Variants in DLG2 observed in about 807,000 individuals in gnomAD.
DLG2 encodes the protein disks large homolog 2.
Under a neutral mutation model 132.5 loss-of-function variants are expected in DLG2, and 45 were observed. The observed-to-expected ratio is 0.34, with a 90% CI of 0.27 to 0.44. DLG2 has a LOEUF of 0.44. Among genes scored for constraint, DLG2 ranks in the 20% least tolerant of loss-of-function variants. The pLI, the probability that DLG2 is intolerant of heterozygous loss-of-function variation, is 1.00. For synonymous variants in DLG2, 424 were observed against 419.6 expected, an observed-to-expected ratio of 1.01 and a Z score of -0.13; for missense variants, 1,045 against 1,196.9, an observed-to-expected ratio of 0.87 and a Z score of 1.87.
At chr11:85,010,111 A>G (rs944387689) in intron 6 of DLG2, among the ~76,000 whole-genome samples, 1 of 152,140 alleles carries the variant, frequency 6.6e-6, no homozygotes, top group African/African-American at 2.4e-5. Context: ...GAGCCAAAAC[A>G]TATAGTACAA....
At chr11:84,564,430 A>G (rs1272326452) in intron 6 of DLG2, among the ~76,000 whole-genome samples, 3 of 152,176 alleles carry the variant, frequency 2.0e-5, no homozygotes, top group South Asian at 2.1e-4. Flanking sequence ...CCCTTGAAAG[A>G]TCCCATCCGA....
chr11:85,083,535 T>A (rs766534402), intron 6 of DLG2, among the ~76,000 whole-genome samples: 1 of 152,196 alleles, frequency 6.6e-6, no homozygotes, highest in Non-Finnish European at 1.5e-5. Flanking sequence ...CTTGGTTTTA[T>A]ATGTTTTAGG....
intron 21 of DLG2, among the ~76,000 whole-genome samples, chr11:83,503,937 T>C (rs576239405): frequency 3.9e-5 from 6 of 152,254 alleles, no homozygotes; most frequent in African/African-American, 1.4e-4. Context: ...AGGTCATAAT[T>C]ACACCTAACA....
chr11:85,476,510 CTT>C (rs893444670), intron 3 of DLG2, among the ~76,000 whole-genome samples: 1 of 152,042 alleles, frequency 6.6e-6, no homozygotes, highest in Non-Finnish European at 1.5e-5. Flanking sequence ...CTTTTTGCCT[CTT>C]TTGTTGTTAC....
intron 6 of DLG2, among the ~76,000 whole-genome samples, chr11:84,605,339 T>A (rs1316717460): frequency 6.6e-6 from 1 of 151,958 alleles, no homozygotes; most frequent in African/African-American, 2.4e-5. Context: ...AAGTATTCTG[T>A]CATATTATTT....
intron 4 of DLG2, among the ~76,000 whole-genome samples, chr11:85,184,225 G>A (rs2079928894): frequency 6.6e-6 from 1 of 151,792 alleles, no homozygotes; most frequent in Admixed American, 6.6e-5. Flanking sequence ...ACTATTAAAA[G>A]TAATCAAAAT....
intron 4 of DLG2, among the ~76,000 whole-genome samples, chr11:85,275,255 A>G (rs971056313): frequency 1.3e-5 from 2 of 152,172 alleles, no homozygotes; most frequent in African/African-American, 2.4e-5. Context: ...AGACTCTACA[A>G]GACAACTCGG....
chr11:84,435,319 T>C (rs554259635), intron 7 of DLG2, among the ~76,000 whole-genome samples: 1 of 152,332 alleles, frequency 6.6e-6, no homozygotes, highest in East Asian at 1.9e-4. Flanking sequence ...AAATTAGGTA[T>C]ACAAAATAAA....
At chr11:84,255,841 G>GA (rs545051779) in intron 7 of DLG2, among the ~76,000 whole-genome samples, 5 of 151,122 alleles carry the variant, frequency 3.3e-5, no homozygotes, top group African/African-American at 7.3e-5. Flanking sequence ...AAGGGATGAA[G>GA]AAAAAAAAAT....
intron 3 of DLG2, among the ~76,000 whole-genome samples, chr11:85,509,656 A>T (rs2094012442): frequency 1.3e-5 from 2 of 152,066 alleles, no homozygotes; most frequent in South Asian, 4.1e-4. Context: ...ATTATTTTTC[A>T]TTCATTTTAT....
intron 6 of DLG2, among the ~76,000 whole-genome samples, chr11:84,935,165 A>G (rs935615030): frequency 1.5e-4 from 23 of 152,206 alleles, no homozygotes; most frequent in Admixed American, 6.5e-4. Flanking sequence ...ATATTTGCAG[A>G]ATGTGTAATG....
At chr11:84,953,932 G>C (rs559378240) in intron 6 of DLG2, among the ~76,000 whole-genome samples, 1 of 152,072 alleles carries the variant, frequency 6.6e-6, no homozygotes, top group Non-Finnish European at 1.5e-5. Flanking sequence ...CTGGGCCTTA[G>C]TATGCTAAGG....
chr11:84,676,285 C>T lies in DLG2; in HGVS notation c.358-141554G>A, dbSNP rs150015639. ...TACTTCAGATAGAAAGTCTGGAAAC[C>T]GGAAGGAAAACATTAACATTATAAT... is the stretch of plus-strand genomic sequence containing the variant. On this transcript the variant is annotated intron_variant, in intron 6 of 27. Transcript: ENST00000376104. 4.1e-3 allele frequency among the ~76,000 whole-genome samples: 624 copies of T among 152,044 alleles called. 5 individuals carry two copies. The highest frequency in any genetic ancestry group is 0.015 in the African/African-American group (606 of 41,498).
At chr11:84,552,535 C>T (rs775479438) in intron 6 of DLG2, among the ~76,000 whole-genome samples, 1 of 152,202 alleles carries the variant, frequency 6.6e-6, no homozygotes, top group Non-Finnish European at 1.5e-5. Context: ...CAGTCATCTA[C>T]ACCTCACCCC....
At chr11:84,457,919 T>C (rs2099069763) in intron 7 of DLG2, among the ~76,000 whole-genome samples, 1 of 150,930 alleles carries the variant, frequency 6.6e-6, no homozygotes, top group Non-Finnish European at 1.5e-5. Flanking sequence ...GTCTTATTTT[T>C]TCTAATTTTT....
intron 4 of DLG2, among the ~76,000 whole-genome samples, chr11:85,165,710 TTTG>T (rs2078390121): frequency 6.6e-6 from 1 of 152,170 alleles, no homozygotes; most frequent in African/African-American, 2.4e-5. Context: ...TTCAGGAAAT[TTTG>T]TTCTTTGACA....
At chr11:85,390,333 TG>T (rs1385415394) in intron 3 of DLG2, among the ~76,000 whole-genome samples, 1 of 152,106 alleles carries the variant, frequency 6.6e-6, no homozygotes, top group African/African-American at 2.4e-5. Flanking sequence ...CACCTGACAT[TG>T]GCACTCCCAA....
chr11:85,203,547 TA>T (rs2081622881), intron 4 of DLG2, among the ~76,000 whole-genome samples: 1 of 151,826 alleles, frequency 6.6e-6, no homozygotes, highest in Non-Finnish European at 1.5e-5. Flanking sequence ...AAAGAAGTAA[TA>T]AAAAGTCTCC....
intron 2 of DLG2, among the ~76,000 whole-genome samples, chr11:85,619,370 T>TA (rs111827766): frequency 0.039 from 5,741 of 146,528 alleles, 164 homozygotes; most frequent in Admixed American, 0.061. Context: ...AATTTTAAAT[T>TA]AAAAAAAAAA....
Sources: allele counts gnomAD v4.1 joint callset (sites outside exome capture counted in the v4.1 genomes callset), GRCh38; gene constraint gnomAD v4.1.1; transcripts MANE v1.5; gene names NCBI Gene and HGNC (gene_info 2026-07-23, HGNC 2026-07-21).